CAMK1D: variants seen among roughly 807,000 people sequenced by gnomAD.
CAMK1D encodes the protein calcium/calmodulin-dependent protein kinase type 1D.
Under a neutral mutation model 47.7 loss-of-function variants are expected in CAMK1D, and 9 were observed. The observed-to-expected ratio is 0.19, with a 90% CI of 0.11 to 0.33. CAMK1D has a LOEUF of 0.33. CAMK1D is among the 10% of genes least tolerant of loss of function. The pLI is 1.00. For missense variants in CAMK1D, 291 were observed against 488.7 expected (o/e 0.60, Z 3.81); for synonymous variants, 184 against 184.9 (o/e 0.99, Z 0.04).
intron 1 of CAMK1D, among the ~76,000 whole-genome samples, chr10:12,512,679 T>C (rs1835075594): frequency 6.6e-6 from 1 of 152,330 alleles, no homozygotes; most frequent in Admixed American, 6.5e-5. Flanking sequence ...GTAGCTGTCA[T>C]CAAGCCTGGG....
At chr10:12,433,227 A>G (rs907960834) in intron 1 of CAMK1D, among the ~76,000 whole-genome samples, 5 of 152,156 alleles carry the variant, frequency 3.3e-5, no homozygotes, top group Non-Finnish European at 7.3e-5. Context: ...AACCTTTCCC[A>G]GTCCAGCTGC....
chr10:12,522,201 C>CTTTTT (rs746434997), intron 1 of CAMK1D, among the ~76,000 whole-genome samples: 2 of 38,846 alleles, frequency 5.1e-5, no homozygotes, highest in African/African-American at 1.8e-4. Flanking sequence ...CTTTTTTTTT[C>CTTTTT]TTTTTTTTTT....
intron 3 of CAMK1D, among the ~76,000 whole-genome samples, chr10:12,668,371 C>A (rs756146131): frequency 6.6e-6 from 1 of 152,178 alleles, no homozygotes; most frequent in African/African-American, 2.4e-5. Context: ...AATCCTCAAT[C>A]TAAAGCTATA....
intron 4 of CAMK1D, among the ~76,000 whole-genome samples, chr10:12,763,324 A>G (rs1242993219): frequency 6.6e-6 from 1 of 152,238 alleles, no homozygotes; most frequent in Non-Finnish European, 1.5e-5. Flanking sequence ...AGAGAGGATG[A>G]TCGTGTTAAT....
chr10:12,563,353 C>CT lies in CAMK1D; in HGVS notation c.224+9998dup, dbSNP rs1316960696. ...TGGGCAACAGAGTGAGACTCTGTCT[C>CT]TAAAAAAAAAGGGAAGAAGAACAAA... On this transcript the variant is annotated intron_variant, in intron 2 of 10. Coordinates refer to ENST00000619168, the MANE Select transcript of CAMK1D (RefSeq NM_153498.4). Among the ~76,000 whole-genome samples, 24 of 101,722 alleles carry CT rather than the reference C, an allele frequency of 2.4e-4. No homozygotes were observed. In the South Asian group the frequency reaches 8.0e-3, roughly 34 times the overall value. The allele number at this position is 101,722 out of a possible 152,430, so 66.7% of individuals were successfully genotyped here. A position where few individuals can be genotyped will look rare whatever the true frequency, so the allele number is the denominator to read the frequency against.
chr10:12,780,970 T>C (rs927424941), intron 5 of CAMK1D, among the ~76,000 whole-genome samples: 2 of 152,226 alleles, frequency 1.3e-5, no homozygotes, highest in Admixed American at 6.5e-5. Flanking sequence ...CCTGCTCCTC[T>C]TCGTGGACCT....
At chr10:12,490,465 G>T (rs1490375463) in intron 1 of CAMK1D, among the ~76,000 whole-genome samples, 1 of 152,140 alleles carries the variant, frequency 6.6e-6, no homozygotes, top group African/African-American at 2.4e-5. Flanking sequence ...CAGAGGAAGG[G>T]CATTGAGAAA....
chr10:12,541,842 T>TCTTCCTGCCTTCCTTCCTTCCTTC (rs1836193933), intron 1 of CAMK1D, among the ~76,000 whole-genome samples: 1 of 116,608 alleles, frequency 8.6e-6, no homozygotes. Context: ...CTGTGTTTTA[T>TCTTCCTGCCTTCCTTCCTTCCTTC]CTTCCTTCCT....
intron 1 of CAMK1D, among the ~76,000 whole-genome samples, chr10:12,417,551 GA>G (rs1839896007): frequency 6.6e-6 from 1 of 152,186 alleles, no homozygotes; most frequent in South Asian, 2.1e-4. Context: ...CTGGGGTGGG[GA>G]GATGGCTTGG....
At chr10:12,745,631 T>G (rs970148933) in intron 3 of CAMK1D, among the ~76,000 whole-genome samples, 2 of 151,778 alleles carry the variant, frequency 1.3e-5, no homozygotes, top group African/African-American at 4.9e-5. Flanking sequence ...AGATGGAGTT[T>G]CGCTCTTGTT....
In CAMK1D at chr10:12,461,098, G is replaced by A. The variant is rs77342324; in HGVS notation, c.93-92127G>A. The stretch of plus-strand genomic sequence containing the variant: ...AGCATCTCTGGGGCTGGCCAGGGCA[G>A]TTGCTGCAGCCAGCCTGTGAGGACA... On this transcript the variant is annotated intron_variant, in intron 1 of 10. Transcript: ENST00000619168. Among the ~76,000 whole-genome samples, 386 of 152,302 alleles carry A rather than the reference G, an allele frequency of 2.5e-3. 2 individuals are homozygous for A. Among genetic ancestry groups the A allele is most frequent in the African/African-American group, 9.0e-3 (375 of 41,564 alleles).
At chr10:12,605,589 G>T (rs1838434404) in intron 2 of CAMK1D, among the ~76,000 whole-genome samples, 1 of 152,100 alleles carries the variant, frequency 6.6e-6, no homozygotes, top group Non-Finnish European at 1.5e-5. Context: ...CAGAACTTCT[G>T]CAGTACAGTT....
intron 2 of CAMK1D, among the ~76,000 whole-genome samples, chr10:12,666,339 A>C (rs972214904): frequency 2.0e-5 from 3 of 151,960 alleles, no homozygotes; most frequent in Admixed American, 6.6e-5. Flanking sequence ...TGGGGGATAG[A>C]TTTTCATATA....
chr10:12,514,784 T>A (rs1835140160), intron 1 of CAMK1D, among the ~76,000 whole-genome samples: 1 of 152,244 alleles, frequency 6.6e-6, no homozygotes, highest in African/African-American at 2.4e-5. Context: ...ATACAATGTG[T>A]GGTACATGGC....
At chr10:12,418,264 G>A (rs894309303) in intron 1 of CAMK1D, among the ~76,000 whole-genome samples, 1 of 152,180 alleles carries the variant, frequency 6.6e-6, no homozygotes, top group East Asian at 1.9e-4. Context: ...ATTGCAACGC[G>A]GCCATGCCTT....
chr10:12,788,566 G>A (rs561303028), intron 5 of CAMK1D, among the ~76,000 whole-genome samples: 144 of 152,336 alleles, frequency 9.5e-4, no homozygotes, highest in African/African-American at 3.1e-3. Context: ...CAGGCCACGA[G>A]GCTGGCCCCG....
intron 5 of CAMK1D, among the ~76,000 whole-genome samples, chr10:12,778,831 C>A (rs1282107779): frequency 6.6e-6 from 1 of 152,046 alleles, no homozygotes; most frequent in Non-Finnish European, 1.5e-5. Flanking sequence ...TATAAGCACA[C>A]CACTGCACTC....
chr10:12,465,589 A>G (rs1260881520), intron 1 of CAMK1D, among the ~76,000 whole-genome samples: 2 of 152,268 alleles, frequency 1.3e-5, no homozygotes, highest in South Asian at 2.1e-4. Context: ...TCCTGACCTC[A>G]AGTGATCCAC....
rs1245669376 is a variant in CAMK1D, at chr10:12,520,260, G to A, written c.93-32965G>A. Among the ~76,000 whole-genome samples the A allele has an allele frequency of 3.7e-5, 3 of 82,030 alleles. 1 individual carries two copies. Among genetic ancestry groups the A allele is most frequent in the African/African-American group, 9.4e-5 (2 of 21,234 alleles). The allele number at this position is 82,030 out of a possible 152,430, so 53.8% of individuals were successfully genotyped here. A position where few individuals can be genotyped will look rare whatever the true frequency, so the allele number is the denominator to read the frequency against. ...CTCCTCACCTCCCAGACAGGGTTGC[G>A]GCCCAGCAGAGGCGCTCCTCACATC... is the stretch of plus-strand genomic sequence containing the variant. On this transcript the variant is annotated intron_variant, in intron 1 of 10. Transcript: ENST00000619168.
Sources: allele counts gnomAD v4.1 joint callset (sites outside exome capture counted in the v4.1 genomes callset), GRCh38; gene constraint gnomAD v4.1.1; transcripts MANE v1.5; gene names NCBI Gene and HGNC (gene_info 2026-07-23, HGNC 2026-07-21).